The following ZNF385D variants were observed in gnomAD, a reference collection of about 807,000 sequenced individuals.
The protein encoded by ZNF385D is zinc finger protein 385D, also known as zinc finger protein 659.
ZNF385D carries 15 observed loss-of-function variants against 35.8 expected under a neutral mutation model. That is an observed-to-expected ratio of 0.42 (90% CI 0.28 to 0.64). ZNF385D has a LOEUF of 0.64. Among genes scored for constraint, ZNF385D ranks in the 30% least tolerant of loss-of-function variants. The pLI is 0.23. For synonymous variants in ZNF385D, 212 were observed against 186.8 expected, an observed-to-expected ratio of 1.13 and a Z score of -1.10; for missense variants, 474 against 494.6, an observed-to-expected ratio of 0.96 and a Z score of 0.39.
chr3:21,935,686 T>C (rs915746071), intron 3 of ZNF385D, among the ~76,000 whole-genome samples: 1 of 152,130 alleles, frequency 6.6e-6, no homozygotes, highest in Admixed American at 6.5e-5. Flanking sequence ...ATGAAGACTA[T>C]ATAGGCAGAC....
chr3:22,298,767 T>C (rs1342911237), intron 2 of ZNF385D, among the ~76,000 whole-genome samples: 3 of 151,360 alleles, frequency 2.0e-5, no homozygotes, highest in African/African-American at 7.3e-5. Context: ...TTCTTACCAT[T>C]AAAATGATAA....
At chr3:21,489,206 G>A (rs1559340593) in intron 4 of ZNF385D, among the ~76,000 whole-genome samples, 2 of 152,060 alleles carry the variant, frequency 1.3e-5, no homozygotes, top group South Asian at 2.1e-4. Context: ...CAGCTGCAAC[G>A]TAGCAAAGTT....
intron 3 of ZNF385D, among the ~76,000 whole-genome samples, chr3:22,114,097 G>A (rs569393968): frequency 7.9e-5 from 12 of 151,998 alleles, no homozygotes; most frequent in African/African-American, 2.2e-4. Flanking sequence ...TATGCACTAC[G>A]ACCATTTAAA....
chr3:22,260,469 C>G (rs1700569683), intron 2 of ZNF385D, among the ~76,000 whole-genome samples: 1 of 151,786 alleles, frequency 6.6e-6, no homozygotes, highest in Admixed American at 6.6e-5. Flanking sequence ...ACCTATGTAA[C>G]AAATCTGCAC....
intron 3 of ZNF385D, among the ~76,000 whole-genome samples, chr3:21,856,225 TCA>T (rs1696704728): frequency 6.6e-6 from 1 of 152,084 alleles, no homozygotes; most frequent in South Asian, 2.1e-4. Context: ...GGTCATTTCT[TCA>T]CAGACTTCTT....
chr3:22,285,081 AG>A (rs1407857751), intron 2 of ZNF385D, among the ~76,000 whole-genome samples: 1 of 152,152 alleles, frequency 6.6e-6, no homozygotes, highest in African/African-American at 2.4e-5. Flanking sequence ...CAAGTTTAAT[AG>A]AAAAAAATTG....
chr3:22,205,628 A>G (rs1697097279), intron 2 of ZNF385D, among the ~76,000 whole-genome samples: 1 of 152,044 alleles, frequency 6.6e-6, no homozygotes, highest in African/African-American at 2.4e-5. Context: ...TGGAGTCTTC[A>G]TTAGTTTTCT....
intron 3 of ZNF385D, chr3:21,878,024 C>T (rs1321865389): frequency 6.6e-6 from 1 of 151,950 alleles, no homozygotes; most frequent in Non-Finnish European, 1.5e-5. Context: ...ATATATTCTT[C>T]CATTTTAAGA....
At chr3:22,273,868 G>A (rs1389586270) in intron 2 of ZNF385D, among the ~76,000 whole-genome samples, 1 of 151,874 alleles carries the variant, frequency 6.6e-6, no homozygotes, top group Non-Finnish European at 1.5e-5. Flanking sequence ...AATCAGGAAA[G>A]GCAAAAAGGT....
intron 2 of ZNF385D, among the ~76,000 whole-genome samples, chr3:22,285,344 A>T (rs2125387737): frequency 6.6e-6 from 1 of 152,252 alleles, no homozygotes; most frequent in African/African-American, 2.4e-5. Context: ...TAGTTTGACT[A>T]AGTAGAAAGA....
intron 3 of ZNF385D, among the ~76,000 whole-genome samples, chr3:21,797,341 A>G (rs2125676250): frequency 6.6e-6 from 1 of 152,308 alleles, no homozygotes; most frequent in South Asian, 2.1e-4. Context: ...AACAACATGA[A>G]ACATTGGCTA....
intron 3 of ZNF385D, among the ~76,000 whole-genome samples, chr3:21,953,955 C>A (rs894036837): frequency 4.0e-5 from 6 of 151,796 alleles, no homozygotes; most frequent in African/African-American, 1.5e-4. Flanking sequence ...CTTTGCTGAG[C>A]CAGATTTATA....
chr3:21,549,497 T>G (rs1269567628), intron 3 of ZNF385D, among the ~76,000 whole-genome samples: 2 of 152,124 alleles, frequency 1.3e-5, no homozygotes, highest in Non-Finnish European at 2.9e-5. Flanking sequence ...ATAAAATGTG[T>G]CCCAAATGCC....
At chr3:21,790,600 C>CT (rs1379811338) in intron 3 of ZNF385D, among the ~76,000 whole-genome samples, 1 of 152,044 alleles carries the variant, frequency 6.6e-6, no homozygotes, top group Non-Finnish European at 1.5e-5. Flanking sequence ...CAGAATGCAG[C>CT]TTTTTTGGAA....
chr3:21,511,678 A>C (rs745697274), intron 3 of ZNF385D: 1 of 456,466 alleles, frequency 2.2e-6, no homozygotes, highest in South Asian at 1.5e-5. Context: ...TGGATCTTTC[A>C]TGCCCCAGTC....
At chr3:21,983,164 A>T (rs1276949816) in intron 3 of ZNF385D, among the ~76,000 whole-genome samples, 986 of 62,408 alleles carry the variant, frequency 0.016, 10 homozygotes, top group African/African-American at 0.15. Flanking sequence ...ATTTTATTTT[A>T]TTATTTTTTT....
chr3:22,309,648 G>A (rs141670046), intron 2 of ZNF385D, among the ~76,000 whole-genome samples: 1 of 151,848 alleles, frequency 6.6e-6, no homozygotes, highest in East Asian at 1.9e-4. Context: ...TCATAAAAAG[G>A]TCAATGGTGA....
upstream of ZNF385D, among the ~76,000 whole-genome samples, chr3:21,755,448 T>G (rs557902132): frequency 4.2e-4 from 64 of 152,348 alleles, 1 homozygote; most frequent in East Asian, 1.9e-3. Flanking sequence ...GTGTGAAACC[T>G]AAAGTATGGC....
chr3:22,163,600 T>C (rs1448534244), intron 3 of ZNF385D, among the ~76,000 whole-genome samples: 1 of 152,198 alleles, frequency 6.6e-6, no homozygotes, highest in Non-Finnish European at 1.5e-5. Context: ...TATTCAAATA[T>C]CAAATAATGA....
Sources: allele counts gnomAD v4.1 joint callset (sites outside exome capture counted in the v4.1 genomes callset), GRCh38; gene constraint gnomAD v4.1.1; transcripts MANE v1.5; gene names NCBI Gene and HGNC (gene_info 2026-07-23, HGNC 2026-07-21).